P2RX6: variants seen among roughly 807,000 people sequenced by gnomAD.
The protein encoded by P2RX6 is purinergic receptor P2X 6.
A neutral mutation model predicts 54.2 loss-of-function variants in P2RX6; 62 were observed. That is an observed-to-expected ratio of 1.14 (90% CI 0.93 to 1.41). The LOEUF (loss-of-function observed/expected upper bound fraction) is 1.41. P2RX6 is among the 40% of genes most tolerant of loss of function. P2RX6 has a pLI of 0.00. For synonymous variants in P2RX6, 211 were observed against 231.9 expected, an observed-to-expected ratio of 0.91 and a Z score of 0.82; for missense variants, 541 against 566.3, an observed-to-expected ratio of 0.96 and a Z score of 0.45.
At chr22:21,024,326 G>A (rs1424767065) in intron 8 of P2RX6, among the ~76,000 whole-genome samples, 2 of 150,608 alleles carry the variant, frequency 1.3e-5, no homozygotes, top group Non-Finnish European at 2.9e-5. Flanking sequence ...CGCCCAGGCT[G>A]GAGTACAGTG....
chr22:21,017,866 A>G (rs2073596), intron 2 of P2RX6, 123 bp from the exon 3 acceptor site: 18,244 of 719,846 alleles, frequency 0.025, 1,297 homozygotes, highest in East Asian at 0.2. Flanking sequence ...TCTGCCTTAC[A>G]GGGGGACAGG....
At chr22:21,016,924 A>C (rs1355866964) in intron 2 of P2RX6, among the ~76,000 whole-genome samples, 1 of 152,014 alleles carries the variant, frequency 6.6e-6, no homozygotes, top group African/African-American at 2.4e-5. Flanking sequence ...TCCAAAGATC[A>C]ATTATTTTCC....
intron 8 of P2RX6, among the ~76,000 whole-genome samples, chr22:21,025,568 G>A (rs1189004583): frequency 6.6e-6 from 1 of 152,156 alleles, no homozygotes; most frequent in Admixed American, 6.5e-5. Flanking sequence ...CCCGCTGCTG[G>A]GTCTGTTTAG....
In P2RX6 at chr22:21,022,733, G is replaced by T; in HGVS notation, c.445G>T (p.Gly149Ter). 2 of 1,577,784 alleles carry T rather than the reference G, an allele frequency of 1.3e-6. No individual in the cohort carries two copies. The highest frequency in any genetic ancestry group is 2.2e-5 in the East Asian group (1 of 44,586). ...WVDEDCPEGE[G>*]GTHSHGVKTG... is the part of the protein sequence containing the mutation. Reference sequence around the variant, plus strand: ...CGACGAGGACTGCCCCGAAGGGGAGGGAGGCACACACAGCCACGGTAACTG... The same window carrying T: ...CGACGAGGACTGCCCCGAAGGGGAGTGAGGCACACACAGCCACGGTAACTG... The change falls in exon 4 of 12, where the codon GGA (glycine) becomes TGA (stop). Residue 149 changes from glycine to a stop codon, truncating the protein, a stop_gained. Transcript: ENST00000413302. LOFTEE classifies it high-confidence loss of function.
chr22:21,024,874 T>TGTG (rs1555942059), intron 8 of P2RX6, among the ~76,000 whole-genome samples: 5 of 88,046 alleles, frequency 5.7e-5, no homozygotes, highest in African/African-American at 2.2e-4. Flanking sequence ...CCTGTTTTTT[T>TGTG]TGTGTTTTTT....
rs1913328363 is a variant in P2RX6, at chr22:21,023,359, C to A, written c.723C>A (p.Phe241Leu). 1 of 1,614,002 alleles carries A rather than the reference C, an allele frequency of 6.2e-7. No homozygotes were observed. Among genetic ancestry groups the A allele is most frequent in the Non-Finnish European group, 8.5e-7 (1 of 1,179,890 alleles). ...EPQFSPYCPV[F>L]RIGDLVAKAG... is the part of the protein sequence containing the mutation. ...AATTCAGCCCCTACTGTCCCGTGTT[C>A]CGCATTGGGGACCTCGTGGCCAAGG... Residue 241 changes from phenylalanine to leucine, a missense_variant, in exon 7 of 12, where the codon TTC (phenylalanine) becomes TTA (leucine). Transcript: ENST00000413302.
Position 21,026,218 on chromosome 22 carries a change from G to T in P2RX6, c.1051-34G>T. On this transcript the variant is annotated intron_variant, in intron 10 of 11. Coordinates refer to ENST00000413302, the MANE Select transcript of P2RX6 (RefSeq NM_005446.5). The surrounding 1 kb of genome is among the most constrained non-coding windows in gnomAD (Gnocchi z 4.0). Reference sequence around the variant, plus strand: ...GGAGGTGGCAGGAGAGCAGGCTCGGGGGCTGGAACATGGGTTGGCCCTGCC... The same window carrying T: ...GGAGGTGGCAGGAGAGCAGGCTCGGTGGCTGGAACATGGGTTGGCCCTGCC... 6.4e-7 allele frequency: 1 copy of T among 1,565,438 alleles called. No homozygotes were observed.
rs1335045705 is a variant in P2RX6 at position 21,018,053 on chromosome 22, G to C, written c.380G>C (p.Cys127Ser). ...ACGCCAGCCCAAGTTCAGGGCAGATGCCCAGAGGTGAGTTTACCCAGGATC... is the reference window on the plus strand; with the variant it reads ...ACGCCAGCCCAAGTTCAGGGCAGATCCCCAGAGGTGAGTTTACCCAGGATC... The part of the protein sequence containing the change: ...LVTPAQVQGR[C>S]PEHPSVPLAN... Residue 127 changes from cysteine to serine, a missense_variant, in exon 3 of 12, where the codon TGC (cysteine) becomes TCC (serine). Cys to Ser is a moderately radical substitution (Grantham distance 112). Around this residue, in one of 2 missense-constraint regions of P2RX6, gnomAD observed 526 missense variants for 531.5 expected, o/e 0.99. Coordinates refer to ENST00000413302, the MANE Select transcript of P2RX6 (RefSeq NM_005446.5). The C allele has an allele frequency of 1.2e-6, 2 of 1,610,596 alleles. No homozygotes were observed. Among genetic ancestry groups the C allele is most frequent in the Non-Finnish European group, 1.7e-6 (2 of 1,177,378 alleles).
At chr22:21,015,676 G>A (rs1458845234) in intron 1 of P2RX6, among the ~76,000 whole-genome samples, 1 of 152,084 alleles carries the variant, frequency 6.6e-6, no homozygotes, top group Non-Finnish European at 1.5e-5. Context: ...GTCTGTAAGG[G>A]GGAAGCTGGA....
At position 21,027,855 on chromosome 22, in the gene P2RX6, A is replaced by G. The variant is rs558451437; in HGVS notation, c.*1238A>G. On this transcript the variant is annotated 3_prime_UTR_variant, in exon 12 of 12. Coordinates refer to ENST00000413302, the MANE Select transcript of P2RX6 (RefSeq NM_005446.5). ...CCTCTCAATCTCCAGAGCCATGTCC[A>G]TGGGGAGGTGGGCTCTGAAGGGCGA... is the stretch of plus-strand genomic sequence containing the variant. The G allele has an allele frequency of 6.6e-6, 1 of 152,328 alleles. No homozygotes were observed. The highest frequency in any genetic ancestry group is 6.5e-5 in the Admixed American group (1 of 15,298). 9.4% of individuals were successfully genotyped at this position (152,328 alleles called of 1,614,324 possible). A position where few individuals can be genotyped will look rare whatever the true frequency, so the allele number is the denominator to read the frequency against.
intron 8 of P2RX6, 73 bp from the exon 9 acceptor site, chr22:21,025,732 A>C: frequency 9.2e-7 from 1 of 1,090,538 alleles, no homozygotes; most frequent in South Asian, 1.3e-5. Flanking sequence ...CAAGTTGGAC[A>C]GAGGTCTGGC....
Position 21,026,582 on chromosome 22 carries a change from G to A in P2RX6, c.1291G>A (p.Asp431Asn). 6.3e-7 allele frequency: 1 copy of A among 1,590,234 alleles called. No homozygotes were observed. Among genetic ancestry groups the A allele is most frequent in the Non-Finnish European group, 8.6e-7 (1 of 1,169,326 alleles). Reference protein sequence around the residue: ...QTPGWPCPSSDTHLPTHSGSL With the variant: ...QTPGWPCPSSNTHLPTHSGSL ...ACCAGGATGGCCCTGTCCAAGTTCT[G>A]ACACCCACTTGCCAACCCATTCCGG... Residue 431 changes from aspartate (D) to asparagine (N), a missense_variant, in exon 12 of 12, where the codon GAC (aspartate) becomes AAC (asparagine). Physicochemically the swap from Asp to Asn is conservative, Grantham distance 23. Transcript: ENST00000413302. The surrounding 1 kb of genome is among the most constrained non-coding windows in gnomAD (Gnocchi z 4.0).
In P2RX6 at chr22:21,027,971, T is replaced by C. The variant is rs572652492; in HGVS notation, c.*1354T>C. ...TGGGGCCCAGAGGAAGCTGATGTCA[T>C]GGCTGGACAAAGTCACGGAGTAAAG... is the stretch of plus-strand genomic sequence containing the variant. On this transcript the variant is annotated 3_prime_UTR_variant, in exon 12 of 12. Transcript: ENST00000413302. The C allele has an allele frequency of 2.6e-5, 4 of 152,370 alleles. No homozygotes were observed. The highest frequency in any genetic ancestry group is 7.2e-5 in the African/African-American group (3 of 41,558). 9.4% of individuals were successfully genotyped at this position (152,370 alleles called of 1,614,324 possible). A position where few individuals can be genotyped will look rare whatever the true frequency, so the allele number is the denominator to read the frequency against.
At position 21,022,709 on chromosome 22, in the gene P2RX6, G is replaced by T. The variant is rs746528036; in HGVS notation, c.421G>T (p.Asp141Tyr). ...PSVPLANCWV[D>Y]EDCPEGEGGT... is the part of the protein sequence containing the mutation. ...CGTCCCACTGGCTAACTGCTGGGTC[G>T]ACGAGGACTGCCCCGAAGGGGAGGG... The change falls in exon 4 of 12, where the codon GAC (aspartate) becomes TAC (tyrosine). Residue 141 changes from aspartate (D) to tyrosine (Y), a missense_variant. Around this residue, in one of 2 missense-constraint regions of P2RX6, gnomAD observed 526 missense variants for 531.5 expected, o/e 0.99. Transcript: ENST00000413302. 4 of 1,576,898 alleles carry T rather than the reference G, an allele frequency of 2.5e-6. No homozygotes were observed. Among genetic ancestry groups the T allele is most frequent in the Non-Finnish European group, 3.4e-6 (4 of 1,162,858 alleles).
intron 3 of P2RX6, among the ~76,000 whole-genome samples, chr22:21,021,191 G>C (rs1601763029): frequency 1.3e-5 from 2 of 152,056 alleles, no homozygotes; most frequent in Admixed American, 6.5e-5. Context: ...TGCCCAGGCT[G>C]GTCTCGAACT....
intron 3 of P2RX6, 137 bp downstream of exon 3, chr22:21,018,197 A>G: frequency 1.5e-6 from 1 of 685,396 alleles, no homozygotes; most frequent in East Asian, 2.7e-5. Flanking sequence ...ACTGGGCTAC[A>G]TCTTTTCCTG....
At chr22:21,015,844 T>C in intron 1 of P2RX6, 98 bp from the exon 2 acceptor site, 1 of 1,291,794 alleles carries the variant, frequency 7.7e-7, no homozygotes, top group Non-Finnish European at 1.1e-6. Context: ...GCCGGGAGCC[T>C]GTAGGGTGTG....
In P2RX6 at chr22:21,026,831, TGGAGACTGGGAGAGCCCAG is replaced by T; in HGVS notation, c.*215_*233del. ...TGAGACGGCGACAGAACCTGACCCGTGGAGACTGGGAGAGCCCAGCAGGCACCTGTATTGCAGGGCTCCG... is the reference window on the plus strand; with the variant it reads ...TGAGACGGCGACAGAACCTGACCCGTCAGGCACCTGTATTGCAGGGCTCCG... On this transcript the variant is annotated 3_prime_UTR_variant, in exon 12 of 12. Transcript: ENST00000413302. The surrounding 1 kb of genome is among the most constrained non-coding windows in gnomAD (Gnocchi z 4.0). 9.8e-7 allele frequency: 1 copy of T among 1,015,344 alleles called. No individual in the cohort carries two copies. The highest frequency in any genetic ancestry group is 2.7e-5 in the East Asian group (1 of 37,538). The allele number at this position is 1,015,344 out of a possible 1,614,324, so 62.9% of individuals were successfully genotyped here.
chr22:21,027,139 C>T lies in P2RX6; in HGVS notation c.*522C>T, dbSNP rs1349497436. The T allele has an allele frequency of 6.1e-6, 1 of 163,200 alleles. No homozygotes were observed. The highest frequency in any genetic ancestry group is 1.3e-5 in the Non-Finnish European group (1 of 74,702). The allele number at this position is 163,200 out of a possible 1,614,324, so 10.1% of individuals were successfully genotyped here. ...TGATGGGGGAGGGGGATTGTTTCAG[C>T]TTCTCTGGTGCTGTGATGCCCCAGG... On this transcript the variant is annotated 3_prime_UTR_variant, in exon 12 of 12. Coordinates refer to ENST00000413302, the MANE Select transcript of P2RX6 (RefSeq NM_005446.5).
Sources: gnomAD v4.1 joint callset for allele counts (sites outside exome capture counted in the v4.1 genomes callset) on GRCh38, gnomAD v4.1.1 for gene constraint, gnomAD v4.1.1 regional missense constraint, Gnocchi (gnomAD v3.1) non-coding constraint, MANE v1.5 for transcripts, NCBI Gene and HGNC (gene_info 2026-07-23, HGNC 2026-07-21) for gene names.